Variants in WDFY4 observed in about 807,000 individuals in gnomAD.
The protein encoded by WDFY4 is WDFY family member 4.
WDFY4 carries 169 observed loss-of-function variants against 351.9 expected under a neutral mutation model. That is an observed-to-expected ratio of 0.48 (90% CI 0.42 to 0.55). The LOEUF (loss-of-function observed/expected upper bound fraction) is 0.55. Ranked by LOEUF, WDFY4 falls within the 20% of genes least tolerant of loss-of-function variation. The pLI is 0.00. For synonymous variants in WDFY4, 1,622 were observed against 1,574.6 expected (o/e 1.03, Z -0.71); for missense variants, 3,803 against 3,935.6 (o/e 0.97, Z 0.90).
At chr10:48,833,463 G>C (rs1471988236) in intron 39 of WDFY4, among the ~76,000 whole-genome samples, 2 of 152,144 alleles carry the variant, frequency 1.3e-5, no homozygotes, top group Non-Finnish European at 2.9e-5. Flanking sequence ...TCATCAGGCA[G>C]AAACTGCATT....
rs1033514742 is a variant in WDFY4, at chr10:48,940,904, G to A, written c.7587-902G>A. Among the ~76,000 whole-genome samples the A allele has an allele frequency of 3.9e-5, 6 of 152,122 alleles. No homozygotes were observed. In the East Asian group the frequency reaches 7.7e-4, roughly 20 times the overall value. ...TTTCCTACCAGGGCAGTCCACAATG[G>A]GACTTCTTTGGTTTGATATTTAAGT... is the stretch of plus-strand genomic sequence containing the variant. On this transcript the variant is annotated intron_variant, in intron 47 of 61. Coordinates refer to ENST00000325239, the MANE Select transcript of WDFY4 (RefSeq NM_001394531.1).
At chr10:48,772,485 G>T (rs1199755957) in intron 13 of WDFY4, among the ~76,000 whole-genome samples, 3 of 149,846 alleles carry the variant, frequency 2.0e-5, no homozygotes, top group African/African-American at 7.4e-5. Flanking sequence ...TGGCCCCTGG[G>T]CAGGGCAGCT....
Position 48,960,774 on chromosome 10 carries a change from A to G in WDFY4, c.8223+961A>G, listed in dbSNP as rs546561213. Among the ~76,000 whole-genome samples, 3 of 152,366 alleles carry G rather than the reference A, an allele frequency of 2.0e-5. No homozygotes were observed. The South Asian group carries it at 6.2e-4, about 32-fold the overall frequency. On this transcript the variant is annotated intron_variant, in intron 53 of 61. Coordinates refer to ENST00000325239, the MANE Select transcript of WDFY4 (RefSeq NM_001394531.1). ...TTACTGAATCAGTTTACACAGAACAACATGAATGAGTTTTAATGCATTATC... is the reference window on the plus strand; with the variant it reads ...TTACTGAATCAGTTTACACAGAACAGCATGAATGAGTTTTAATGCATTATC...
chr10:48,912,497 C>T (rs1016810038), intron 47 of WDFY4, among the ~76,000 whole-genome samples: 10 of 152,216 alleles, frequency 6.6e-5, no homozygotes, highest in African/African-American at 1.7e-4. Context: ...TGCACATCCA[C>T]GACTGGGATC....
intron 47 of WDFY4, among the ~76,000 whole-genome samples, chr10:48,928,012 T>C (rs1839717110): frequency 6.6e-6 from 1 of 152,236 alleles, no homozygotes; most frequent in Admixed American, 6.5e-5. Context: ...AAGGCAGACC[T>C]GGCCCCTTTG....
chr10:48,974,374 G>A (rs1351773398), intron 57 of WDFY4, among the ~76,000 whole-genome samples: 2 of 151,634 alleles, frequency 1.3e-5, no homozygotes, highest in Admixed American at 6.6e-5. Context: ...CATGGTGGCA[G>A]GCACCTGTAA....
intron 23 of WDFY4, among the ~76,000 whole-genome samples, chr10:48,791,318 C>T (rs2066671925): frequency 2.0e-5 from 3 of 152,204 alleles, no homozygotes; most frequent in Admixed American, 2.0e-4. Context: ...TGCCTGTTTC[C>T]CCACCTGTAA....
At chr10:48,763,424 C>A (rs1015432158) in intron 13 of WDFY4, among the ~76,000 whole-genome samples, 1 of 152,244 alleles carries the variant, frequency 6.6e-6, no homozygotes, top group Non-Finnish European at 1.5e-5. Context: ...CATCTGGCTT[C>A]CTTAGCTGTA....
intron 36 of WDFY4, among the ~76,000 whole-genome samples, chr10:48,828,219 C>T (rs1589704343): frequency 6.6e-6 from 1 of 152,292 alleles, no homozygotes; most frequent in East Asian, 1.9e-4. Flanking sequence ...ATGTATAAAC[C>T]ACTGTGTCCC....
rs548893601 is a variant in WDFY4 at position 48,690,708 on chromosome 10, T to C, written c.-18+5707T>C. Among the ~76,000 whole-genome samples, 230 of 152,218 alleles carry C rather than the reference T, an allele frequency of 1.5e-3. 1 individual carries two copies. The highest frequency in any genetic ancestry group is 2.1e-3 in the Non-Finnish European group (143 of 67,972). ...TTCTCTGCAGCTGGTCCTCCTATAA[T>C]CTTCCCAGCTCTCAGCAGAGAGTAA... is the stretch of plus-strand genomic sequence containing the variant. On this transcript the variant is annotated intron_variant, in intron 1 of 61. Transcript: ENST00000325239.
intron 40 of WDFY4, among the ~76,000 whole-genome samples, chr10:48,871,983 G>A (rs941573053): frequency 1.3e-5 from 2 of 152,258 alleles, no homozygotes; most frequent in Middle Eastern, 3.4e-3. Context: ...CTAGAAGCCC[G>A]TGATTATTAT....
intron 39 of WDFY4, among the ~76,000 whole-genome samples, chr10:48,833,305 A>G (rs1439144258): frequency 6.6e-6 from 1 of 151,870 alleles, no homozygotes; most frequent in African/African-American, 2.4e-5. Context: ...AGGCTGAGTT[A>G]CTCATATATC....
At chr10:48,903,708 T>A (rs1481703274) in intron 47 of WDFY4, among the ~76,000 whole-genome samples, 2 of 152,056 alleles carry the variant, frequency 1.3e-5, no homozygotes, top group Non-Finnish European at 2.9e-5. Flanking sequence ...GATTTAGACA[T>A]GTGAATTTTG....
rs114652995 is a variant in WDFY4 at position 48,838,579 on chromosome 10, T to A, written c.6663+5870T>A. Among the ~76,000 whole-genome samples the A allele has an allele frequency of 5.5e-3, 835 of 152,284 alleles. 3 individuals are homozygous for A. The highest frequency in any genetic ancestry group is 0.019 in the African/African-American group (809 of 41,556). ...CATTATCTTTTTGAAAAAAAAATCATTGTGGAAATTCTCAAACATACACAT... is the reference window on the plus strand; with the variant it reads ...CATTATCTTTTTGAAAAAAAAATCAATGTGGAAATTCTCAAACATACACAT... On this transcript the variant is annotated intron_variant, in intron 39 of 61. Transcript: ENST00000325239.
intron 11 of WDFY4, among the ~76,000 whole-genome samples, chr10:48,741,983 G>A (rs566652769): frequency 1.2e-4 from 18 of 152,146 alleles, no homozygotes; most frequent in East Asian, 9.6e-4. Flanking sequence ...ATTTAAAATC[G>A]TCCCTGTGTT....
At chr10:48,950,873 C>T (rs1211545049) in intron 51 of WDFY4, among the ~76,000 whole-genome samples, 2 of 152,186 alleles carry the variant, frequency 1.3e-5, no homozygotes, top group African/African-American at 2.4e-5. Flanking sequence ...CCCCTGGTGC[C>T]CCCAGTGCAG....
Position 48,873,596 on chromosome 10 carries a change from T to C in WDFY4, c.6847T>C (p.Cys2283Arg). The C allele has an allele frequency of 6.4e-7, 1 of 1,551,820 alleles. No homozygotes were observed. Among genetic ancestry groups the C allele is most frequent in the Non-Finnish European group, 8.7e-7 (1 of 1,147,012 alleles). Reference protein sequence around the residue: ...LWSQGEETKPCSPWELDWREG... With the variant: ...LWSQGEETKPRSPWELDWREG... ...GAGCCAGGGGGAAGAAACCAAGCCC[T>C]GTTCCCCATGGGAACTCGACTGGAG... The change falls in exon 41 of 62, where the codon TGT becomes CGT. Residue 2283 changes from cysteine to arginine, a missense_variant. This residue lies in a region of WDFY4 where 3,054 missense variants were observed against 3,148.6 expected (regional missense o/e 0.97). Transcript: ENST00000325239.
intron 57 of WDFY4, among the ~76,000 whole-genome samples, chr10:48,974,533 C>CA: frequency 5.3e-5 from 1 of 18,926 alleles, no homozygotes; most frequent in Non-Finnish European, 1.1e-4. Context: ...AAAAAAACAA[C>CA]TCATGACATG....
intron 21 of WDFY4, among the ~76,000 whole-genome samples, chr10:48,789,556 G>C (rs2066609683): frequency 6.6e-6 from 1 of 152,210 alleles, no homozygotes; most frequent in Admixed American, 6.5e-5. Context: ...TGGTAGCGCT[G>C]TTCCACCTGA....
Sources: allele counts gnomAD v4.1 joint callset (sites outside exome capture counted in the v4.1 genomes callset), GRCh38; gene constraint gnomAD v4.1.1; regional missense constraint gnomAD v4.1.1; transcripts MANE v1.5; gene names NCBI Gene and HGNC (gene_info 2026-07-23, HGNC 2026-07-21).